The following NFXL1 variants were observed in gnomAD, a reference collection of about 807,000 sequenced individuals.
NFXL1 encodes NF-X1-type zinc finger protein NFXL1.
In NFXL1, 66 loss-of-function variants were observed where a neutral mutation model predicts 123.3. The observed-to-expected ratio is 0.54, with a 90% CI of 0.44 to 0.66. NFXL1 has a LOEUF of 0.66. Among genes scored for constraint, NFXL1 ranks in the 30% least tolerant of loss-of-function variants. The probability of loss-of-function intolerance (pLI) is 0.00; values close to 1 mark genes in which losing one functional copy is unlikely to be tolerated. For missense variants in NFXL1, 944 were observed against 1,125.6 expected, an observed-to-expected ratio of 0.84 and a Z score of 2.31; for synonymous variants, 346 against 360.8, an observed-to-expected ratio of 0.96 and a Z score of 0.46.
intron 18 of NFXL1, among the ~76,000 whole-genome samples, chr4:47,867,311 AT>A (rs1735161034): frequency 6.6e-6 from 1 of 152,152 alleles, no homozygotes; most frequent in African/African-American, 2.4e-5. Flanking sequence ...GAAAGAACAT[AT>A]TTACAGAAGA....
chr4:47,847,933 T>C lies in NFXL1; in HGVS notation c.*230A>G, dbSNP rs113342765. On this transcript the variant is annotated 3_prime_UTR_variant, in exon 23 of 23. Coordinates refer to ENST00000507489, the MANE Select transcript of NFXL1 (RefSeq NM_001278624.2). ...TTACTCTGCCTCTAGCTAAGCCTTATGAAATATTTTAGTTTCAGTCATGCC... is the reference window on the plus strand; with the variant it reads ...TTACTCTGCCTCTAGCTAAGCCTTACGAAATATTTTAGTTTCAGTCATGCC... 6.1e-6 allele frequency: 2 copies of C among 326,272 alleles called. No individual in the cohort carries two copies. Among genetic ancestry groups the C allele is most frequent in the Non-Finnish European group, 1.1e-5 (2 of 184,816 alleles). The allele number at this position is 326,272 out of a possible 1,614,324, so 20.2% of individuals were successfully genotyped here.
At chr4:47,854,734 C>T (rs962183023) in intron 20 of NFXL1, among the ~76,000 whole-genome samples, 1 of 152,038 alleles carries the variant, frequency 6.6e-6, no homozygotes, top group African/African-American at 2.4e-5. Flanking sequence ...CATTGTGTTC[C>T]TTGTTCAAAG....
Position 47,914,216 on chromosome 4 carries a change from G to GGA in NFXL1, c.-2-12_-2-11insTC. 3.4e-6 allele frequency: 4 copies of GGA among 1,182,736 alleles called. No homozygotes were observed. The highest frequency in any genetic ancestry group is 4.5e-6 in the Non-Finnish European group (4 of 889,828). The allele number at this position is 1,182,736 out of a possible 1,614,324, so 73.3% of individuals were successfully genotyped here. On this transcript the variant is annotated splice_polypyrimidine_tract_variant and intron_variant, in intron 1 of 22. Coordinates refer to ENST00000507489, the MANE Select transcript of NFXL1 (RefSeq NM_001278624.2). ...AGGAAGCTTCCATCCCTGCAAAGGA[G>GGA]AAAAAAAAAAAAAAGAGTGGAAGGA...
chr4:47,882,519 G>A (rs1335838516), intron 15 of NFXL1, among the ~76,000 whole-genome samples: 7 of 152,178 alleles, frequency 4.6e-5, no homozygotes, highest in African/African-American at 1.7e-4. Context: ...GACTGAATGA[G>A]CCAAATTAAA....
At chr4:47,884,265 A>C (rs1736293971) in intron 15 of NFXL1, 81 bp downstream of exon 15, 3 of 748,378 alleles carry the variant, frequency 4.0e-6, no homozygotes, top group Middle Eastern at 5.0e-4. Flanking sequence ...CTAAGAAAAA[A>C]GGGAGATTGA....
At chr4:47,863,973 T>C (rs1419334800) in intron 18 of NFXL1, among the ~76,000 whole-genome samples, 1 of 152,208 alleles carries the variant, frequency 6.6e-6, no homozygotes, top group East Asian at 1.9e-4. Flanking sequence ...TGCCAAAATA[T>C]ACCGTAAGTT....
rs1733864999 is a variant in NFXL1, at chr4:47,847,276, ATAAAT to A, written c.*882_*886del. ...AAATTTTAATGAAAACATTAATCAT[ATAAAT>A]TAAATAGCAAAACTATTTGAAAGGA... On this transcript the variant is annotated 3_prime_UTR_variant, in exon 23 of 23. Coordinates refer to ENST00000507489, the MANE Select transcript of NFXL1 (RefSeq NM_001278624.2). 6.6e-6 allele frequency: 1 copy of A among 152,288 alleles called. No homozygotes were observed. The highest frequency in any genetic ancestry group is 2.1e-4 in the South Asian group (1 of 4,826). The allele number at this position is 152,288 out of a possible 1,614,324, so 9.4% of individuals were successfully genotyped here.
chr4:47,896,885 T>C (rs1737117660), intron 9 of NFXL1, among the ~76,000 whole-genome samples: 1 of 152,222 alleles, frequency 6.6e-6, no homozygotes, highest in Non-Finnish European at 1.5e-5. Flanking sequence ...CACATTTTTA[T>C]GGGCTATCTA....
intron 18 of NFXL1, among the ~76,000 whole-genome samples, chr4:47,874,034 T>C (rs1319194749): frequency 6.6e-6 from 1 of 152,236 alleles, no homozygotes; most frequent in Non-Finnish European, 1.5e-5. Context: ...ATTTTTCTTC[T>C]GCAGCTTCTT....
chr4:47,885,919 C>T lies in NFXL1; in HGVS notation c.1624G>A (p.Glu542Lys). The T allele has an allele frequency of 1.2e-6, 2 of 1,613,794 alleles. No homozygotes were observed. Among genetic ancestry groups the T allele is most frequent in the Non-Finnish European group, 1.7e-6 (2 of 1,179,744 alleles). Reference sequence around the variant, plus strand: ...CACTTGGGTGGTCTTGTGGTACGTTCTCGGCCACAGGGCACTGTCACCTTT... The same window carrying T: ...CACTTGGGTGGTCTTGTGGTACGTTTTCGGCCACAGGGCACTGTCACCTTT... ...NTKVTVPCGR[E>K]RTTRPPKCKE... The change falls in exon 13 of 23, where the codon GAA (glutamate) becomes AAA (lysine). Residue 542 changes from glutamate (E) to lysine (K), a missense_variant. Glu to Lys is a moderately conservative substitution (Grantham distance 56). Around this residue, in one of 4 missense-constraint regions of NFXL1, gnomAD observed 296 missense variants for 395.1 expected, o/e 0.75. Coordinates refer to ENST00000507489, the MANE Select transcript of NFXL1 (RefSeq NM_001278624.2).
chr4:47,853,450 G>A (rs1046727747), intron 20 of NFXL1, among the ~76,000 whole-genome samples: 2 of 151,878 alleles, frequency 1.3e-5, no homozygotes, highest in East Asian at 3.9e-4. Context: ...GAGGAAACAA[G>A]GTTACAGATA....
At chr4:47,902,841 A>G (rs1196414859) in intron 5 of NFXL1, among the ~76,000 whole-genome samples, 4 of 152,168 alleles carry the variant, frequency 2.6e-5, no homozygotes, top group Admixed American at 2.6e-4. Context: ...AGAATCTACA[A>G]TCTTCATTTA....
intron 17 of NFXL1, 26 bp downstream of exon 17, chr4:47,878,499 A>C: frequency 6.7e-7 from 1 of 1,497,180 alleles, no homozygotes; most frequent in Non-Finnish European, 9.0e-7. Flanking sequence ...CTATGGGCAG[A>C]TATACATTCA....
chr4:47,859,670 G>A (rs1734610978), intron 19 of NFXL1, among the ~76,000 whole-genome samples: 1 of 151,524 alleles, frequency 6.6e-6, no homozygotes, highest in South Asian at 2.1e-4. Flanking sequence ...GTGAAACCCC[G>A]TTTCTACTAA....
intron 18 of NFXL1, among the ~76,000 whole-genome samples, chr4:47,869,331 C>T (rs1735292282): frequency 6.6e-6 from 1 of 152,174 alleles, no homozygotes; most frequent in Non-Finnish European, 1.5e-5. Context: ...TCCACACACA[C>T]AACCCAAATC....
chr4:47,864,148 T>C (rs1734921598), intron 18 of NFXL1, among the ~76,000 whole-genome samples: 1 of 152,194 alleles, frequency 6.6e-6, no homozygotes, highest in African/African-American at 2.4e-5. Context: ...AGTATAATGT[T>C]CACCTCTGAA....
intron 18 of NFXL1, among the ~76,000 whole-genome samples, chr4:47,872,921 T>C (rs1002286113): frequency 6.6e-6 from 1 of 152,218 alleles, no homozygotes; most frequent in African/African-American, 2.4e-5. Flanking sequence ...TGATGCTGTG[T>C]TTCATAGCAT....
At chr4:47,876,973 C>A in intron 17 of NFXL1, 1 of 656,540 alleles carries the variant, frequency 1.5e-6, no homozygotes, top group Non-Finnish European at 2.3e-6. Flanking sequence ...AAATATTAGG[C>A]AGTGAGTAAC....
rs1422291447 is a variant in NFXL1 at position 47,864,516 on chromosome 4, G to A, written c.2247-1601C>T. Among the ~76,000 whole-genome samples the A allele has an allele frequency of 2.0e-5, 3 of 152,080 alleles. No homozygotes were observed. The East Asian group carries it at 5.8e-4, about 29-fold the overall frequency. On this transcript the variant is annotated intron_variant, in intron 18 of 22. Transcript: ENST00000507489. The stretch of plus-strand genomic sequence containing the variant: ...CCCATACTCTGGAAGAAGGAATGCT[G>A]TACACACAGGCCAAAAAGAACTGAA...
Sources: allele counts gnomAD v4.1 joint callset (sites outside exome capture counted in the v4.1 genomes callset), GRCh38; gene constraint gnomAD v4.1.1; regional missense constraint gnomAD v4.1.1; transcripts MANE v1.5; gene names NCBI Gene and HGNC (gene_info 2026-07-23, HGNC 2026-07-21).